FAM20A: variants seen among roughly 807,000 people sequenced by gnomAD.
The protein encoded by FAM20A is FAM20A golgi associated secretory pathway pseudokinase, also known as pseudokinase FAM20A.
A neutral mutation model predicts 52.0 loss-of-function variants in FAM20A; 42 were observed. The ratio of observed to expected loss-of-function variants is 0.81; its 90% CI spans 0.63 to 1.04. FAM20A has a LOEUF of 1.04. FAM20A is among the 50% of genes least tolerant of loss of function. The probability of loss-of-function intolerance (pLI) is 0.00; values close to 1 mark genes in which losing one functional copy is unlikely to be tolerated. For missense variants in FAM20A, 742 were observed against 712.7 expected, an observed-to-expected ratio of 1.04 and a Z score of -0.47; for synonymous variants, 304 against 298.9, an observed-to-expected ratio of 1.02 and a Z score of -0.18.
chr17:68,564,897 G>T (rs2087332649), intron 1 of FAM20A, among the ~76,000 whole-genome samples: 1 of 152,132 alleles, frequency 6.6e-6, no homozygotes, highest in Non-Finnish European at 1.5e-5. Flanking sequence ...AGACAGGGAG[G>T]GGAGACGGCT....
At chr17:68,585,068 C>A (rs2088128979) in intron 1 of FAM20A, among the ~76,000 whole-genome samples, 1 of 152,154 alleles carries the variant, frequency 6.6e-6, no homozygotes, top group Non-Finnish European at 1.5e-5. Context: ...CAGCCACATT[C>A]CATGGCATGT....
intron 1 of FAM20A, among the ~76,000 whole-genome samples, chr17:68,580,394 C>T (rs151065149): frequency 2.6e-5 from 4 of 152,364 alleles, no homozygotes; most frequent in East Asian, 3.9e-4. Flanking sequence ...CCGACAAAAA[C>T]TCATTCCTTT....
At chr17:68,543,476 T>G (rs976791492) in intron 5 of FAM20A, among the ~76,000 whole-genome samples, 153 bp downstream of exon 5, 3 of 152,124 alleles carry the variant, frequency 2.0e-5, no homozygotes, top group African/African-American at 7.2e-5. Flanking sequence ...ATGGGACATT[T>G]TGAGTTCAAA....
At position 68,535,719 on chromosome 17, in the gene FAM20A, C is replaced by A. The variant is rs1449098238; in HGVS notation, c.*1758G>T. 1 of 450,280 alleles carries A rather than the reference C, an allele frequency of 2.2e-6. No homozygotes were observed. Among genetic ancestry groups the A allele is most frequent in the Non-Finnish European group, 4.4e-6 (1 of 225,732 alleles). The allele number at this position is 450,280 out of a possible 1,614,324, so 27.9% of individuals were successfully genotyped here. A position where few individuals can be genotyped will look rare whatever the true frequency, so the allele number is the denominator to read the frequency against. On this transcript the variant is annotated 3_prime_UTR_variant, in exon 11 of 11. Coordinates refer to ENST00000592554, the MANE Select transcript of FAM20A (RefSeq NM_017565.4). Reference sequence around the variant, plus strand: ...TAGAGACAGGGTTTTGTCATGTTACCCAGGCTGGTCTCGAGCTCCTGAGAC... The same window carrying A: ...TAGAGACAGGGTTTTGTCATGTTACACAGGCTGGTCTCGAGCTCCTGAGAC...
At chr17:68,571,305 T>C (rs2087528990) in intron 1 of FAM20A, among the ~76,000 whole-genome samples, 1 of 152,244 alleles carries the variant, frequency 6.6e-6, no homozygotes, top group African/African-American at 2.4e-5. Context: ...CTCCTCAGTA[T>C]TTGAAGGAGC....
chr17:68,571,987 C>CATATATATATATATAT (rs57442973), intron 1 of FAM20A, among the ~76,000 whole-genome samples: 1 of 43,772 alleles, frequency 2.3e-5, no homozygotes, highest in Non-Finnish European at 5.4e-5. Context: ...TATATACATA[C>CATATATATATATATAT]ATATATATAT....
chr17:68,538,063 AAGG>A (rs2086147053), intron 10 of FAM20A, among the ~76,000 whole-genome samples: 1 of 152,222 alleles, frequency 6.6e-6, no homozygotes, highest in African/African-American at 2.4e-5. Flanking sequence ...AGGATTTTTC[AAGG>A]AGATTTAAAG....
Position 68,600,972 on chromosome 17 carries a change from C to A in FAM20A, c.-306G>T. 8.0e-6 allele frequency: 2 copies of A among 250,522 alleles called. No individual in the cohort carries two copies. The highest frequency in any genetic ancestry group is 1.5e-5 in the Non-Finnish European group (2 of 132,634). 15.5% of individuals were successfully genotyped at this position (250,522 alleles called of 1,614,324 possible). A position where few individuals can be genotyped will look rare whatever the true frequency, so the allele number is the denominator to read the frequency against. ...GCGCCTTTTCTCCCGTGCGCCCGCC[C>A]GCCCGGACGCTCGCGGCAGGTGAAG... On this transcript the variant is annotated 5_prime_UTR_variant, in exon 1 of 11. Transcript: ENST00000592554. This position sits in a 1 kb window ranked among gnomAD's most constrained non-coding sequence, Gnocchi z 6.2.
At chr17:68,554,373 T>A (rs956285199) in intron 3 of FAM20A, among the ~76,000 whole-genome samples, 1 of 152,152 alleles carries the variant, frequency 6.6e-6, no homozygotes. Flanking sequence ...AGTGCTGGGA[T>A]TACAGGTGTG....
intron 1 of FAM20A, among the ~76,000 whole-genome samples, chr17:68,576,518 C>T (rs189860333): frequency 2.1e-3 from 313 of 152,254 alleles, no homozygotes; most frequent in African/African-American, 6.9e-3. Flanking sequence ...AGCCCTGAGC[C>T]CAAGGCTCCC....
chr17:68,535,633 T>G lies in FAM20A; in HGVS notation c.*1844A>C. The G allele has an allele frequency of 2.2e-6, 1 of 454,032 alleles. No homozygotes were observed. Among genetic ancestry groups the G allele is most frequent in the South Asian group, 1.6e-5 (1 of 64,454 alleles). 28.1% of individuals were successfully genotyped at this position (454,032 alleles called of 1,614,324 possible). On this transcript the variant is annotated 3_prime_UTR_variant, in exon 11 of 11. Transcript: ENST00000592554. Reference sequence around the variant, plus strand: ...CAACAGTTAAGGAAATCTTTGGGATTAAGGTTTCTCTGTTAAAGAGTTGAT... The same window carrying G: ...CAACAGTTAAGGAAATCTTTGGGATGAAGGTTTCTCTGTTAAAGAGTTGAT...
At chr17:68,564,483 T>A (rs1376651644) in intron 1 of FAM20A, among the ~76,000 whole-genome samples, 1 of 152,134 alleles carries the variant, frequency 6.6e-6, no homozygotes, top group Non-Finnish European at 1.5e-5. Flanking sequence ...CCTTGGAACA[T>A]CCCATAAGCA....
intron 1 of FAM20A, among the ~76,000 whole-genome samples, chr17:68,589,337 C>G (rs150741948): frequency 6.4e-4 from 98 of 152,326 alleles, no homozygotes; most frequent in African/African-American, 2.3e-3. Flanking sequence ...AACCATTCAG[C>G]TGAACCCAGC....
rs780208759 is a variant in FAM20A, at chr17:68,537,531, G to A, written c.1572C>T (p.Asp524=). Residue 524 remains aspartate (D), a synonymous_variant, in exon 11 of 11, where the codon GAC becomes GAT. Transcript: ENST00000592554. The surrounding 1 kb of genome is among the most constrained non-coding windows in gnomAD (Gnocchi z 4.2). ...VAHGQQSVIV[D]GPVEQLAPDS... is the part of the protein sequence containing the mutation. ...CTGGGGCCAACTGTTCCACTGGGCC[G>A]TCGACTATGACACTCTGCTGTCCAT... 5.3e-5 allele frequency: 86 copies of A among 1,613,656 alleles called. No individual in the cohort carries two copies. The highest frequency in any genetic ancestry group is 6.4e-5 in the Non-Finnish European group (76 of 1,179,880).
rs547141209 is a variant in FAM20A at position 68,565,917 on chromosome 17, C to T, written c.405-10174G>A. ...TAGGTCCTTGTTGTCCGTGGACTCT[C>T]ATCCAAATTCCTACTTTAGCATTTC... On this transcript the variant is annotated intron_variant, in intron 1 of 10. Transcript: ENST00000592554. 5.9e-5 allele frequency among the ~76,000 whole-genome samples: 9 copies of T among 152,304 alleles called. No homozygotes were observed. The East Asian group carries it at 9.7e-4, about 16-fold the overall frequency.
At chr17:68,551,607 G>A (rs1025357586) in intron 4 of FAM20A, among the ~76,000 whole-genome samples, 7 of 151,882 alleles carry the variant, frequency 4.6e-5, no homozygotes, top group Admixed American at 1.3e-4. Context: ...AAGCTTGCCC[G>A]TGAACCAAGG....
intron 4 of FAM20A, chr17:68,551,445 A>G: frequency 8.3e-6 from 2 of 239,600 alleles, no homozygotes; most frequent in Non-Finnish European, 1.6e-5. Context: ...GTATGGATCA[A>G]TTAAAGTGGT....
chr17:68,600,346 C>G lies in FAM20A; in HGVS notation c.321G>C (p.Pro107=), dbSNP rs568029338. The change falls in exon 1 of 11, where the codon CCG becomes CCC. Residue 107 remains proline (P), a synonymous_variant. Transcript: ENST00000592554. The surrounding 1 kb of genome is among the most constrained non-coding windows in gnomAD (Gnocchi z 6.2). ...GCGAGTCCTCGGCTCCCAGGAGAGGCGGCTCCTCCGGGACGTTGTACAGCG... is the reference window on the plus strand; with the variant it reads ...GCGAGTCCTCGGCTCCCAGGAGAGGGGGCTCCTCCGGGACGTTGTACAGCG... ...AHPLYNVPEE[P]PLLGAEDSLL... is the part of the protein sequence containing the mutation. 1.3e-5 allele frequency: 20 copies of G among 1,598,052 alleles called. No individual in the cohort carries two copies. In the African/African-American group the frequency reaches 2.7e-4, roughly 21 times the overall value.
At chr17:68,572,006 ATATAT>A (rs1568762439) in intron 1 of FAM20A, among the ~76,000 whole-genome samples, 3 of 40,292 alleles carry the variant, frequency 7.4e-5, no homozygotes, top group African/African-American at 2.7e-4. Context: ...ATATATATAT[ATATAT>A]ATATATATAT....
Sources: gnomAD v4.1 joint callset for allele counts (sites outside exome capture counted in the v4.1 genomes callset) on GRCh38, gnomAD v4.1.1 for gene constraint, Gnocchi (gnomAD v3.1) non-coding constraint, MANE v1.5 for transcripts, NCBI Gene and HGNC (gene_info 2026-07-23, HGNC 2026-07-21) for gene names.